The following EEF1AKMT1 variants were observed in gnomAD, a reference collection of about 807,000 sequenced individuals.
EEF1AKMT1 encodes the protein N-6 adenine-specific DNA methyltransferase 2 (putative).
A neutral mutation model predicts 21.0 loss-of-function variants in EEF1AKMT1; 18 were observed. The observed-to-expected ratio is 0.86, with a 90% CI of 0.59 to 1.27. EEF1AKMT1 has a LOEUF of 1.27. Among genes scored for constraint, EEF1AKMT1 ranks in the 50% most tolerant of loss-of-function variants. EEF1AKMT1 has a pLI of 0.00. For missense variants in EEF1AKMT1, 246 were observed against 258.6 expected (o/e 0.95, Z 0.33); for synonymous variants, 109 against 94.8 (o/e 1.15, Z -0.87).
intron 4 of EEF1AKMT1, among the ~76,000 whole-genome samples, chr13:20,730,399 C>T (rs960465182): frequency 4.6e-5 from 7 of 152,204 alleles, no homozygotes; most frequent in African/African-American, 9.6e-5. Flanking sequence ...GGGACAAGCG[C>T]GGCCCGGAGG....
chr13:20,740,276 G>A lies in EEF1AKMT1; in HGVS notation c.145-2471C>T, dbSNP rs185656090. On this transcript the variant is annotated intron_variant, in intron 2 of 4. Transcript: ENST00000382758. ...CTGGAACTCGTGCTGGACTGCGAGT[G>A]CCACGCACAGCCCCAGTTTCCGCCC... 1.9e-3 allele frequency among the ~76,000 whole-genome samples: 291 copies of A among 152,348 alleles called. No homozygotes were observed. The Middle Eastern group carries it at 0.024, about 12-fold the overall frequency.
At chr13:20,773,227 TGCG>T (rs1213392221) in intron 1 of EEF1AKMT1, among the ~76,000 whole-genome samples, 1 of 152,164 alleles carries the variant, frequency 6.6e-6, no homozygotes, top group African/African-American at 2.4e-5. Context: ...ACGTGTGCAG[TGCG>T]ACGTTGTGAT....
At chr13:20,729,356 T>C (rs747631380) in intron 4 of EEF1AKMT1, 140 bp from the exon 5 acceptor site, 25 of 910,240 alleles carry the variant, frequency 2.7e-5, no homozygotes, top group Non-Finnish European at 4.0e-5. Context: ...GGAGCGAGTG[T>C]TCTTTACATT....
At chr13:20,767,172 G>A (rs1161648960) in intron 1 of EEF1AKMT1, among the ~76,000 whole-genome samples, 1 of 151,644 alleles carries the variant, frequency 6.6e-6, no homozygotes, top group Non-Finnish European at 1.5e-5. Context: ...CGGGCGTTGT[G>A]GCAAGCACCT....
rs541318927 is a variant in EEF1AKMT1, at chr13:20,757,072, G to A, written c.144+383C>T. On this transcript the variant is annotated intron_variant, in intron 2 of 4. Transcript: ENST00000382758. ...CTTGGGAACCGCCGAACGTGGGTAC[G>A]AGCTATAACACAGCCAAGCTGGGGC... 6.6e-5 allele frequency among the ~76,000 whole-genome samples: 10 copies of A among 152,256 alleles called. No homozygotes were observed. The South Asian group carries it at 8.3e-4, about 13-fold the overall frequency.
chr13:20,732,269 A>G, intron 3 of EEF1AKMT1, 148 bp from the exon 4 acceptor site: 2 of 790,186 alleles, frequency 2.5e-6, no homozygotes, highest in South Asian at 2.3e-5. Context: ...GTTAATGTTG[A>G]GAAAAAACTT....
intron 1 of EEF1AKMT1, among the ~76,000 whole-genome samples, chr13:20,760,815 A>ATTT (rs764530728): frequency 6.6e-6 from 1 of 152,226 alleles, no homozygotes; most frequent in Non-Finnish European, 1.5e-5. Flanking sequence ...ATACTCTCTA[A>ATTT]TTTAGATAAC....
intron 3 of EEF1AKMT1, among the ~76,000 whole-genome samples, chr13:20,736,637 T>C (rs1379892512): frequency 6.6e-6 from 1 of 151,874 alleles, no homozygotes; most frequent in African/African-American, 2.4e-5. Flanking sequence ...AGTTGAAATA[T>C]GTTTGAACTT....
At chr13:20,745,297 A>T (rs917325755) in intron 2 of EEF1AKMT1, among the ~76,000 whole-genome samples, 1 of 152,176 alleles carries the variant, frequency 6.6e-6, no homozygotes, top group African/African-American at 2.4e-5. Context: ...CAAAATATTG[A>T]TTCTTCCTAT....
At chr13:20,745,976 A>T (rs1464296726) in intron 2 of EEF1AKMT1, among the ~76,000 whole-genome samples, 1 of 152,278 alleles carries the variant, frequency 6.6e-6, no homozygotes, top group Non-Finnish European at 1.5e-5. Context: ...TCTTTAAACC[A>T]ATAAATATTT....
intron 4 of EEF1AKMT1, among the ~76,000 whole-genome samples, chr13:20,729,690 G>A (rs2058780830): frequency 6.6e-6 from 1 of 152,088 alleles, no homozygotes; most frequent in Admixed American, 6.6e-5. Flanking sequence ...ACAGCGCACA[G>A]CCAGCTCCCC....
intron 1 of EEF1AKMT1, among the ~76,000 whole-genome samples, chr13:20,764,878 T>TC (rs2059019165): frequency 2.6e-5 from 2 of 76,054 alleles, no homozygotes; most frequent in South Asian, 5.8e-4. Context: ...CCTTTCACTT[T>TC]CAACACACAC....
Position 20,750,661 on chromosome 13 carries a change from C to T in EEF1AKMT1, c.144+6794G>A, listed in dbSNP as rs1051433576. Among the ~76,000 whole-genome samples the T allele has an allele frequency of 7.9e-5, 12 of 152,178 alleles. No individual in the cohort carries two copies. The South Asian group carries it at 2.3e-3, about 29-fold the overall frequency. ...CTGCAAGAAACATGAGGAGCAGGTA[C>T]GTTTTTGATATACTAATTTCTTTTC... On this transcript the variant is annotated intron_variant, in intron 2 of 4. Transcript: ENST00000382758.
chr13:20,766,926 CTT>C (rs1054577054), intron 1 of EEF1AKMT1, among the ~76,000 whole-genome samples: 2 of 152,132 alleles, frequency 1.3e-5, no homozygotes, highest in Non-Finnish European at 2.9e-5. Flanking sequence ...ATACATTTTA[CTT>C]TTACATTTGT....
chr13:20,764,738 C>G (rs1019813941), intron 1 of EEF1AKMT1, among the ~76,000 whole-genome samples: 1 of 151,960 alleles, frequency 6.6e-6, no homozygotes, highest in Non-Finnish European at 1.5e-5. Flanking sequence ...TGAATTCACT[C>G]TTTTTATCAT....
At chr13:20,767,228 C>A (rs1007999636) in intron 1 of EEF1AKMT1, among the ~76,000 whole-genome samples, 1 of 150,342 alleles carries the variant, frequency 6.7e-6, no homozygotes, top group South Asian at 2.1e-4. Context: ...ATGGCATGAA[C>A]CCGGGAGGCG....
At chr13:20,730,809 TA>T (rs758665049) in intron 4 of EEF1AKMT1, among the ~76,000 whole-genome samples, 1 of 152,148 alleles carries the variant, frequency 6.6e-6, no homozygotes, top group Non-Finnish European at 1.5e-5. Context: ...AACGAGGGAA[TA>T]AAAGCTGGCC....
chr13:20,770,718 CAAAATCGAAGAGTACAAGTTCCTT>C (rs2059058253), intron 1 of EEF1AKMT1, among the ~76,000 whole-genome samples: 1 of 151,968 alleles, frequency 6.6e-6, no homozygotes, highest in South Asian at 2.1e-4. Flanking sequence ...TATTGCCTGG[CAAAATCGAAGAGTACAAGTTCCTT>C]AAAAAAGGCT....
intron 3 of EEF1AKMT1, among the ~76,000 whole-genome samples, chr13:20,735,378 G>A (rs978914219): frequency 1.3e-5 from 2 of 152,186 alleles, no homozygotes; most frequent in Non-Finnish European, 2.9e-5. Flanking sequence ...CTGGATGGGG[G>A]GGATGCTTGG....
Sources: gnomAD v4.1 joint callset for allele counts (sites outside exome capture counted in the v4.1 genomes callset) on GRCh38, gnomAD v4.1.1 for gene constraint, MANE v1.5 for transcripts, NCBI Gene and HGNC (gene_info 2026-07-23, HGNC 2026-07-21) for gene names.